CECR2: variants seen among roughly 807,000 people sequenced by gnomAD.
The protein encoded by CECR2 is chromatin remodeling regulator CECR2.
Under a neutral mutation model 154.5 loss-of-function variants are expected in CECR2, and 30 were observed. That is an observed-to-expected ratio of 0.19 (90% CI 0.15 to 0.26). The LOEUF (loss-of-function observed/expected upper bound fraction) is 0.26. Among genes scored for constraint, CECR2 ranks in the 10% least tolerant of loss-of-function variants. The pLI is 1.00. For missense variants in CECR2, 1,743 were observed against 1,829.3 expected, an observed-to-expected ratio of 0.95 and a Z score of 0.86; for synonymous variants, 725 against 683.7, an observed-to-expected ratio of 1.06 and a Z score of -0.94.
intron 1 of CECR2, among the ~76,000 whole-genome samples, chr22:17,387,529 G>C (rs546615780): frequency 3.3e-5 from 5 of 152,170 alleles, no homozygotes; most frequent in Non-Finnish European, 7.4e-5. Flanking sequence ...GCTCCAGCCT[G>C]CTGGCGTGTG....
At chr22:17,498,264 G>GC (rs1410902842) in intron 3 of CECR2, among the ~76,000 whole-genome samples, 3 of 152,102 alleles carry the variant, frequency 2.0e-5, no homozygotes, top group Non-Finnish European at 4.4e-5. Flanking sequence ...GGTGGCAGGC[G>GC]CCTGTAGTCC....
chr22:17,529,608 G>C (rs1345957415), intron 9 of CECR2, among the ~76,000 whole-genome samples: 1 of 151,964 alleles, frequency 6.6e-6, no homozygotes, highest in Non-Finnish European at 1.5e-5. Flanking sequence ...GCTGAGGCGG[G>C]AGAATGGCGT....
At chr22:17,471,679 G>A (rs1296551641) in intron 1 of CECR2, among the ~76,000 whole-genome samples, 1 of 151,972 alleles carries the variant, frequency 6.6e-6, no homozygotes, top group Non-Finnish European at 1.5e-5. Context: ...GGGATTACAG[G>A]CACCCGCCAC....
At chr22:17,421,299 T>C (rs1601328579) in intron 1 of CECR2, among the ~76,000 whole-genome samples, 1 of 151,130 alleles carries the variant, frequency 6.6e-6, no homozygotes, top group East Asian at 1.9e-4. Flanking sequence ...TGAAACCCCG[T>C]CTCTACTAAA....
At chr22:17,388,166 C>G (rs1371170841) in intron 1 of CECR2, among the ~76,000 whole-genome samples, 1 of 152,156 alleles carries the variant, frequency 6.6e-6, no homozygotes, top group Non-Finnish European at 1.5e-5. Flanking sequence ...GTTGGCCAGG[C>G]TGGTCTCAAA....
chr22:17,482,511 TA>T (rs766148654), intron 2 of CECR2, among the ~76,000 whole-genome samples: 1 of 152,088 alleles, frequency 6.6e-6, no homozygotes, highest in Non-Finnish European at 1.5e-5. Flanking sequence ...TTTAAATCAT[TA>T]TTTTAGAGTG....
chr22:17,417,019 C>CTT lies in CECR2; in HGVS notation c.126+47125_126+47126dup, dbSNP rs11306557. ...TATATCACATCAACATTGTCAGATT[C>CTT]TTTTTTTTTTTTTTTTACGACAAAG... On this transcript the variant is annotated intron_variant, in intron 1 of 18. Transcript: ENST00000262608. Among the ~76,000 whole-genome samples, 210 of 142,218 alleles carry CTT rather than the reference C, an allele frequency of 1.5e-3. 1 individual carries two copies. Among genetic ancestry groups the CTT allele is most frequent in the African/African-American group, 4.8e-3 (189 of 39,276 alleles). The allele number at this position is 142,218 out of a possible 152,430, so 93.3% of individuals were successfully genotyped here.
intron 9 of CECR2, among the ~76,000 whole-genome samples, chr22:17,536,260 T>G (rs535464680): frequency 5.9e-5 from 9 of 152,058 alleles, no homozygotes; most frequent in South Asian, 4.2e-4. Context: ...AAAATAAAAA[T>G]AAAAAAGAAA....
chr22:17,386,122 G>T (rs578255974), intron 1 of CECR2, among the ~76,000 whole-genome samples: 1 of 152,178 alleles, frequency 6.6e-6, no homozygotes, highest in Admixed American at 6.5e-5. Flanking sequence ...GACAGACTCC[G>T]CAGCGACAAG....
chr22:17,444,196 CT>C (rs1300366174), intron 1 of CECR2, among the ~76,000 whole-genome samples: 1 of 152,194 alleles, frequency 6.6e-6, no homozygotes, highest in Non-Finnish European at 1.5e-5. Flanking sequence ...TCACAGTATA[CT>C]TCCATAGTTG....
chr22:17,525,154 G>A (rs2056237142), intron 9 of CECR2, among the ~76,000 whole-genome samples: 2 of 150,240 alleles, frequency 1.3e-5, no homozygotes, highest in South Asian at 4.2e-4. Context: ...GCGTGGTGGG[G>A]CATGCCTGTA....
At chr22:17,543,111 G>C (rs1253475470) in intron 16 of CECR2, 108 bp downstream of exon 16, 8 of 1,309,120 alleles carry the variant, frequency 6.1e-6, no homozygotes, top group African/African-American at 4.5e-5. Context: ...CTCTTTCTTT[G>C]TTTATTTTTT....
At chr22:17,494,305 G>T (rs1283646390) in intron 2 of CECR2, among the ~76,000 whole-genome samples, 3 of 152,130 alleles carry the variant, frequency 2.0e-5, no homozygotes, top group African/African-American at 7.2e-5. Flanking sequence ...CTCCATGTCG[G>T]CCTCCCAAAG....
chr22:17,419,031 CG>C, intron 1 of CECR2: 1 of 164,684 alleles, frequency 6.1e-6, no homozygotes, highest in Non-Finnish European at 1.3e-5. Context: ...CCAAGGGCAC[CG>C]CGGAGGCGCC....
intron 1 of CECR2, among the ~76,000 whole-genome samples, chr22:17,438,354 G>A (rs976086940): frequency 6.6e-6 from 1 of 152,136 alleles, no homozygotes; most frequent in Admixed American, 6.5e-5. Flanking sequence ...CACATGTTTT[G>A]GGTTGAAAAT....
chr22:17,460,204 G>GA (rs2054916330), intron 1 of CECR2, among the ~76,000 whole-genome samples: 1 of 151,932 alleles, frequency 6.6e-6, no homozygotes, highest in African/African-American at 2.4e-5. Context: ...TTCTTCTTTG[G>GA]AAAAAATTTA....
At chr22:17,382,280 C>T (rs1294204711) in intron 1 of CECR2, among the ~76,000 whole-genome samples, 1 of 152,106 alleles carries the variant, frequency 6.6e-6, no homozygotes, top group Non-Finnish European at 1.5e-5. Context: ...TGAAGACTGG[C>T]CTCACTGGTG....
rs776537899 is a variant in CECR2, at chr22:17,538,719, T to C, written c.1356T>C (p.Tyr452=). ...ATGAATCTTATGCCCCTAACTATTA[T>C]CAGATTATTAAGGTAGAAGTTGTCT... The part of the protein sequence containing the change: ...PVDESYAPNY[Y]QIIKAPMDIS... Residue 452 remains tyrosine, a synonymous_variant, in exon 12 of 19, where the codon TAT becomes TAC. Transcript: ENST00000262608. 3 of 1,613,618 alleles carry C rather than the reference T, an allele frequency of 1.9e-6. No homozygotes were observed. The highest frequency in any genetic ancestry group is 2.5e-6 in the Non-Finnish European group (3 of 1,179,556).
intron 1 of CECR2, among the ~76,000 whole-genome samples, chr22:17,382,299 T>G (rs1310750609): frequency 6.6e-6 from 1 of 152,206 alleles, no homozygotes; most frequent in Non-Finnish European, 1.5e-5. Context: ...TGATCATTTT[T>G]CTTCAGGCAG....
Sources: allele counts gnomAD v4.1 joint callset (sites outside exome capture counted in the v4.1 genomes callset), GRCh38; gene constraint gnomAD v4.1.1; transcripts MANE v1.5; gene names NCBI Gene and HGNC (gene_info 2026-07-23, HGNC 2026-07-21).